The following KCNJ16 variants were observed in gnomAD, a reference collection of about 807,000 sequenced individuals.
The protein encoded by KCNJ16 is potassium inwardly rectifying channel subfamily J member 16.
In KCNJ16, 15 loss-of-function variants were observed where a neutral mutation model predicts 18.5. The ratio of observed to expected loss-of-function variants is 0.81; its 90% CI spans 0.54 to 1.25. The LOEUF (loss-of-function observed/expected upper bound fraction) is 1.25. Ranked by LOEUF, KCNJ16 falls within the 50% of genes most tolerant of loss-of-function variation. The pLI, the probability that KCNJ16 is intolerant of heterozygous loss-of-function variation, is 0.00. For missense variants in KCNJ16, 523 were observed against 525.7 expected (o/e 0.99, Z 0.05); for synonymous variants, 174 against 186.5 (o/e 0.93, Z 0.55).
At chr17:70,123,634 T>G (rs2073738922) in intron 2 of KCNJ16, among the ~76,000 whole-genome samples, 1 of 152,170 alleles carries the variant, frequency 6.6e-6, no homozygotes, top group Non-Finnish European at 1.5e-5. Context: ...TTGAGACAAA[T>G]TGACTATTGT....
intron 2 of KCNJ16, among the ~76,000 whole-genome samples, chr17:70,102,638 C>T (rs1022033872): frequency 1.3e-5 from 2 of 152,078 alleles, no homozygotes; most frequent in Non-Finnish European, 2.9e-5. Flanking sequence ...AAACAAATAA[C>T]CATTTCCCTG....
At position 70,092,489 on chromosome 17, in the gene KCNJ16, AATAGATAG is replaced by A. The variant is rs56383039; in HGVS notation, c.-299-8141_-299-8134del. Among the ~76,000 whole-genome samples the A allele has an allele frequency of 3.1e-3, 276 of 89,930 alleles. 2 individuals are homozygous for A. In the East Asian group the frequency reaches 0.059, roughly 19 times the overall value. The allele number at this position is 89,930 out of a possible 152,430, so 59.0% of individuals were successfully genotyped here. Reference sequence around the variant, plus strand: ...CAAGGTTCTCTAGAGAAACAGAACCAATAGATAGATAGATAGATAGATAGATAGATAGA... The same window carrying A: ...CAAGGTTCTCTAGAGAAACAGAACCAATAGATAGATAGATAGATAGATAGA... On this transcript the variant is annotated intron_variant, in intron 1 of 3. Transcript: ENST00000392671.
chr17:70,104,178 T>A (rs554181621), intron 2 of KCNJ16, among the ~76,000 whole-genome samples: 1 of 152,018 alleles, frequency 6.6e-6, no homozygotes, highest in Admixed American at 6.6e-5. Flanking sequence ...ATTGCCCAGG[T>A]TGGTCTTAAA....
intron 1 of KCNJ16, among the ~76,000 whole-genome samples, chr17:70,099,278 T>C (rs1284477762): frequency 2.6e-5 from 4 of 152,162 alleles, no homozygotes; most frequent in African/African-American, 9.6e-5. Flanking sequence ...GATTTTTCAC[T>C]GCAAGAAATG....
At chr17:70,096,058 A>AT (rs1345818317) in intron 1 of KCNJ16, among the ~76,000 whole-genome samples, 1 of 151,096 alleles carries the variant, frequency 6.6e-6, no homozygotes, top group African/African-American at 2.4e-5. Context: ...AATTTTTTGT[A>AT]TTTTTGAGTA....
Position 70,122,396 on chromosome 17 carries a change from C to T in KCNJ16, c.-190-8483C>T, listed in dbSNP as rs900109107. 3.9e-5 allele frequency among the ~76,000 whole-genome samples: 6 copies of T among 152,076 alleles called. No homozygotes were observed. In the South Asian group the frequency reaches 8.3e-4, roughly 21 times the overall value. On this transcript the variant is annotated intron_variant, in intron 2 of 3. Transcript: ENST00000392671. ...TTCACCATGTTGGCCAGGCTGGTCT[C>T]GTACTCCTGACCTCAGATGATCCAC...
intron 3 of KCNJ16, 64 bp from the exon 4 acceptor site, chr17:70,131,931 C>A: frequency 6.8e-7 from 1 of 1,460,706 alleles, no homozygotes; most frequent in Non-Finnish European, 9.1e-7. Context: ...CCAAATTTGG[C>A]AAATTGCTAT....
At chr17:70,123,333 G>A (rs1055252780) in intron 2 of KCNJ16, among the ~76,000 whole-genome samples, 7 of 152,176 alleles carry the variant, frequency 4.6e-5, no homozygotes, top group South Asian at 4.1e-4. Flanking sequence ...GAGCAGAAAC[G>A]AGAGGCAAGA....
chr17:70,105,566 A>G, intron 2 of KCNJ16, among the ~76,000 whole-genome samples: 1 of 152,234 alleles, frequency 6.6e-6, no homozygotes, highest in Non-Finnish European at 1.5e-5. Context: ...TTGGAATTAC[A>G]TCTTCACAAC....
intron 1 of KCNJ16, among the ~76,000 whole-genome samples, chr17:70,076,661 A>C (rs2071324266): frequency 6.6e-6 from 1 of 152,212 alleles, no homozygotes; most frequent in South Asian, 2.1e-4. Context: ...CAAGAATTTC[A>C]GCATGAGAGA....
chr17:70,106,156 A>G (rs1567791473), intron 2 of KCNJ16, among the ~76,000 whole-genome samples: 2 of 152,188 alleles, frequency 1.3e-5, no homozygotes, highest in African/African-American at 4.8e-5. Flanking sequence ...AAAGGCACAG[A>G]TAATACCAAA....
At chr17:70,109,774 CAT>C (rs756782994) in intron 2 of KCNJ16, among the ~76,000 whole-genome samples, 7 of 152,204 alleles carry the variant, frequency 4.6e-5, no homozygotes, top group Admixed American at 6.5e-5. Flanking sequence ...TTTGAATCCA[CAT>C]GTGTCAGATC....
chr17:70,097,726 T>C (rs1438844939), intron 1 of KCNJ16, among the ~76,000 whole-genome samples: 1 of 152,168 alleles, frequency 6.6e-6, no homozygotes, highest in Non-Finnish European at 1.5e-5. Context: ...CTACCATCCA[T>C]AGACCTGATT....
chr17:70,124,170 T>C (rs941323135), intron 2 of KCNJ16, among the ~76,000 whole-genome samples: 1 of 152,242 alleles, frequency 6.6e-6, no homozygotes, highest in Admixed American at 6.5e-5. Context: ...GAGCTCACTC[T>C]GAACTTGAAT....
intron 3 of KCNJ16, chr17:70,131,457 G>C (rs182182020): frequency 9.0e-5 from 90 of 998,988 alleles, no homozygotes; most frequent in Admixed American, 1.6e-4. Context: ...CCGTGGAAGA[G>C]AGAGCAAGCA....
At chr17:70,075,942 T>C (rs1397153535) in intron 1 of KCNJ16, among the ~76,000 whole-genome samples, 1 of 147,916 alleles carries the variant, frequency 6.8e-6, no homozygotes, top group Non-Finnish European at 1.5e-5. Context: ...TTTCTCCTTT[T>C]GTTTTCACCT....
intron 1 of KCNJ16, chr17:70,096,996 C>T (rs2072407136): frequency 7.6e-6 from 3 of 396,948 alleles, no homozygotes; most frequent in Non-Finnish European, 1.3e-5. Flanking sequence ...CTCTTTTGAA[C>T]CCTATTACAA....
At chr17:70,111,482 A>C (rs1435399609) in intron 2 of KCNJ16, among the ~76,000 whole-genome samples, 1 of 152,096 alleles carries the variant, frequency 6.6e-6, no homozygotes. Flanking sequence ...ACTTGGTTGC[A>C]CTATTAGACT....
chr17:70,127,629 TCTC>T (rs1284087422), intron 2 of KCNJ16, among the ~76,000 whole-genome samples: 2 of 150,718 alleles, frequency 1.3e-5, no homozygotes, highest in African/African-American at 2.4e-5. Context: ...CATCCTCCCG[TCTC>T]CTCCTCCTCC....
Sources: gnomAD v4.1 joint callset for allele counts (sites outside exome capture counted in the v4.1 genomes callset) on GRCh38, gnomAD v4.1.1 for gene constraint, MANE v1.5 for transcripts, NCBI Gene and HGNC (gene_info 2026-07-23, HGNC 2026-07-21) for gene names.